Variants in TYW1B observed in about 807,000 individuals in gnomAD.
The protein encoded by TYW1B is tRNA-yW synthesizing protein 1 homolog B.
A neutral mutation model predicts 86.9 loss-of-function variants in TYW1B; 73 were observed. That is an observed-to-expected ratio of 0.84 (90% CI 0.70 to 1.02). The LOEUF (loss-of-function observed/expected upper bound fraction) is 1.02, where lower values mean the gene tolerates loss of function less well. Among genes scored for constraint, TYW1B ranks in the 50% least tolerant of loss-of-function variants. TYW1B has a pLI of 0.00. For missense variants in TYW1B, 637 were observed against 827.4 expected, an observed-to-expected ratio of 0.77 and a Z score of 2.82; for synonymous variants, 248 against 292.8, an observed-to-expected ratio of 0.85 and a Z score of 1.56.
Position 72,575,209 on chromosome 7 carries a change from A to G in TYW1B, c.*289T>C. ...CAGGTCTTAGAAGTTATAATACAAA[A>G]CCATCAGTTAAATTCTAATCACGAC... On this transcript the variant is annotated 3_prime_UTR_variant, in exon 14 of 14. Transcript: ENST00000620995. The G allele has an allele frequency of 1.6e-6, 2 of 1,225,440 alleles. No individual in the cohort carries two copies. The highest frequency in any genetic ancestry group is 2.0e-6 in the Non-Finnish European group (2 of 977,930). 75.9% of individuals were successfully genotyped at this position (1,225,440 alleles called of 1,614,324 possible).
At chr7:72,688,065 A>T (rs188658103) in intron 11 of TYW1B, among the ~76,000 whole-genome samples, 1 of 152,186 alleles carries the variant, frequency 6.6e-6, no homozygotes, top group African/African-American at 2.4e-5. Context: ...AGTTGCAAAA[A>T]TATGTACAAC....
Position 72,685,375 on chromosome 7 carries a change from A to C in TYW1B, c.1506+9312T>G, listed in dbSNP as rs1813985515. 2.0e-5 allele frequency among the ~76,000 whole-genome samples: 3 copies of C among 152,202 alleles called. No homozygotes were observed. The South Asian group carries it at 6.2e-4, about 31-fold the overall frequency. ...AATAGAAACAAAGAACAAGACCAAC[A>C]AATAGAAAACATTAACAAATACAGT... On this transcript the variant is annotated intron_variant, in intron 11 of 13. Transcript: ENST00000620995.
chr7:72,617,026 C>T (rs1205997683), intron 12 of TYW1B, among the ~76,000 whole-genome samples, 187 bp from the exon 13 acceptor site: 5 of 152,224 alleles, frequency 3.3e-5, no homozygotes, highest in African/African-American at 1.2e-4. Context: ...CTGACAAAGA[C>T]AGCAGGCTGA....
At chr7:72,690,272 T>C (rs35805770) in intron 11 of TYW1B, among the ~76,000 whole-genome samples, 4,426 of 117,120 alleles carry the variant, frequency 0.038, no homozygotes, top group African/African-American at 0.083. Context: ...AAGCTGGCAG[T>C]GTTTTCTTGT....
intron 7 of TYW1B, among the ~76,000 whole-genome samples, chr7:72,767,132 A>G (rs1164221606): frequency 6.6e-6 from 1 of 151,982 alleles, no homozygotes; most frequent in Non-Finnish European, 1.5e-5. Context: ...CTCTACAAAA[A>G]CCACAACCTT....
intron 11 of TYW1B, among the ~76,000 whole-genome samples, chr7:72,688,066 T>A (rs532532140): frequency 5.0e-4 from 76 of 152,100 alleles, no homozygotes; most frequent in Non-Finnish European, 1.0e-3. Context: ...GTTGCAAAAA[T>A]ATGTACAACA....
chr7:72,656,294 T>C (rs782262408), intron 11 of TYW1B, among the ~76,000 whole-genome samples: 8 of 151,908 alleles, frequency 5.3e-5, no homozygotes, highest in African/African-American at 9.7e-5. Context: ...TATAAATACA[T>C]CTACAGGAAA....
At chr7:72,660,288 C>T (rs1430066591) in intron 11 of TYW1B, among the ~76,000 whole-genome samples, 3 of 152,026 alleles carry the variant, frequency 2.0e-5, no homozygotes, top group Non-Finnish European at 2.9e-5. Flanking sequence ...GTGGGAGGAT[C>T]GCTTGAGCCC....
At chr7:72,659,180 G>A (rs1554444113) in intron 11 of TYW1B, among the ~76,000 whole-genome samples, 1 of 152,190 alleles carries the variant, frequency 6.6e-6, no homozygotes. Flanking sequence ...GGTGTGGTGT[G>A]ACTGGAGAAC....
chr7:72,752,558 C>T (rs1554465284), intron 7 of TYW1B, among the ~76,000 whole-genome samples: 1 of 151,978 alleles, frequency 6.6e-6, no homozygotes, highest in Admixed American at 6.6e-5. Flanking sequence ...TGGTGAAACC[C>T]TGTCTCTAAT....
chr7:72,690,484 C>T (rs1252981387), intron 11 of TYW1B, among the ~76,000 whole-genome samples: 3,698 of 109,094 alleles, frequency 0.034, no homozygotes, highest in African/African-American at 0.081. Flanking sequence ...AATGTAAACA[C>T]TGTACTTGCC....
chr7:72,615,410 C>T (rs544882948), intron 13 of TYW1B, among the ~76,000 whole-genome samples: 1 of 152,328 alleles, frequency 6.6e-6, no homozygotes, highest in South Asian at 2.1e-4. Context: ...ACCGTTCAGA[C>T]CTCAGATTCC....
At chr7:72,758,120 C>T (rs1440866562) in intron 7 of TYW1B, among the ~76,000 whole-genome samples, 6 of 151,788 alleles carry the variant, frequency 4.0e-5, no homozygotes, top group South Asian at 2.1e-4. Context: ...CTAGGGAGGC[C>T]GAGGCAGGAG....
At chr7:72,724,643 C>T (rs782394969) in intron 9 of TYW1B, among the ~76,000 whole-genome samples, 2 of 152,122 alleles carry the variant, frequency 1.3e-5, no homozygotes, top group African/African-American at 2.4e-5. Context: ...CAAATATCAA[C>T]CAGTTCCACT....
chr7:72,768,872 GT>G, intron 7 of TYW1B: 1 of 328,686 alleles, frequency 3.0e-6, no homozygotes. Flanking sequence ...TCTAAGAATG[GT>G]TTACTGTGGA....
chr7:72,706,351 C>T (rs1814613355), intron 10 of TYW1B, among the ~76,000 whole-genome samples: 1 of 148,598 alleles, frequency 6.7e-6, no homozygotes. Context: ...CACTTGAACC[C>T]GGGAAGTGGA....
intron 11 of TYW1B, among the ~76,000 whole-genome samples, chr7:72,652,716 T>C (rs1387057312): frequency 1.2e-4 from 18 of 152,176 alleles, no homozygotes; most frequent in African/African-American, 4.3e-4. Context: ...CAGACTTATA[T>C]ATGTTATTGT....
intron 11 of TYW1B, 107 bp from the exon 12 acceptor site, chr7:72,629,104 A>C (rs1163261448): frequency 4.0e-5 from 39 of 963,684 alleles, no homozygotes; most frequent in Non-Finnish European, 5.4e-5. Flanking sequence ...GGCAGGCAAA[A>C]CTCATCATGA....
At chr7:72,766,703 G>T (rs1787777621) in intron 7 of TYW1B, among the ~76,000 whole-genome samples, 1 of 151,422 alleles carries the variant, frequency 6.6e-6, no homozygotes, top group African/African-American at 2.4e-5. Flanking sequence ...AAGGCAGGTG[G>T]ATCACTTGAG....
Sources: gnomAD v4.1 joint callset for allele counts (sites outside exome capture counted in the v4.1 genomes callset) on GRCh38, gnomAD v4.1.1 for gene constraint, MANE v1.5 for transcripts, NCBI Gene and HGNC (gene_info 2026-07-23, HGNC 2026-07-21) for gene names.